Variants in RGS5 observed in about 807,000 individuals in gnomAD.
RGS5 encodes regulator of G-protein signalling 5.
In RGS5, 20 loss-of-function variants were observed where a neutral mutation model predicts 18.9. The observed-to-expected ratio is 1.06, with a 90% CI of 0.74 to 1.54. RGS5 has a LOEUF of 1.54. Among genes scored for constraint, RGS5 ranks in the 40% most tolerant of loss-of-function variants. The probability of loss-of-function intolerance (pLI) is 0.00; values close to 1 mark genes in which losing one functional copy is unlikely to be tolerated. For synonymous variants in RGS5, 57 were observed against 76.2 expected, an observed-to-expected ratio of 0.75 and a Z score of 1.31; for missense variants, 201 against 211.8, an observed-to-expected ratio of 0.95 and a Z score of 0.32.
intron 1 of RGS5, among the ~76,000 whole-genome samples, chr1:163,180,757 T>G (rs1463166491): frequency 7.1e-6 from 1 of 140,378 alleles, no homozygotes; most frequent in African/African-American, 2.7e-5. Context: ...TGCAGTGGTG[T>G]AATCTCGTCT....
intron 1 of RGS5, among the ~76,000 whole-genome samples, chr1:163,181,488 C>A (rs1223564120): frequency 6.6e-6 from 1 of 152,174 alleles, no homozygotes; most frequent in Non-Finnish European, 1.5e-5. Flanking sequence ...TGCATCCCCC[C>A]ATTTTAAAAG....
intron 1 of RGS5, among the ~76,000 whole-genome samples, chr1:163,315,973 G>C (rs905514186): frequency 2.6e-5 from 4 of 152,092 alleles, no homozygotes. Flanking sequence ...TAATGCAACA[G>C]CGCCACCCAG....
intron 1 of RGS5, among the ~76,000 whole-genome samples, chr1:163,197,240 G>T (rs2999966): frequency 0.39 from 58,650 of 151,846 alleles, 11,985 homozygotes; most frequent in African/African-American, 0.53. Flanking sequence ...GGCTGTGCCC[G>T]CCCATCTCTG....
In RGS5 at chr1:163,162,012, G is replaced by A. The variant is rs574386687; in HGVS notation, c.156-36C>T. 85 of 1,486,710 alleles carry A rather than the reference G, an allele frequency of 5.7e-5. No homozygotes were observed. In the South Asian group the frequency reaches 8.6e-4, roughly 15 times the overall value. 92.1% of individuals were successfully genotyped at this position (1,486,710 alleles called of 1,614,324 possible). A position where few individuals can be genotyped will look rare whatever the true frequency, so the allele number is the denominator to read the frequency against. On this transcript the variant is annotated intron_variant, in intron 2 of 4. Transcript: ENST00000313961. Reference sequence around the variant, plus strand: ...AATAAGGAGAGAAAAGGGGTATGGCGTAAGTAGGCATTGAACCACATGTAC... The same window carrying A: ...AATAAGGAGAGAAAAGGGGTATGGCATAAGTAGGCATTGAACCACATGTAC...
intron 1 of RGS5, among the ~76,000 whole-genome samples, chr1:163,308,917 T>C (rs1324669881): frequency 6.6e-6 from 1 of 152,212 alleles, no homozygotes; most frequent in Non-Finnish European, 1.5e-5. Flanking sequence ...AAATATTATG[T>C]CTAAAAATAC....
intron 2 of RGS5, among the ~76,000 whole-genome samples, chr1:163,271,361 C>A (rs1240813509): frequency 6.6e-6 from 1 of 152,034 alleles, no homozygotes; most frequent in Non-Finnish European, 1.5e-5. Context: ...AAGGTAGAGC[C>A]CCCATGATGG....
chr1:163,147,869 C>T (rs1454351320), intron 4 of RGS5, among the ~76,000 whole-genome samples: 1 of 148,502 alleles, frequency 6.7e-6, no homozygotes, highest in Non-Finnish European at 1.5e-5. Context: ...GTATTTGAAT[C>T]TAGAGAATCA....
intron 1 of RGS5, among the ~76,000 whole-genome samples, chr1:163,173,723 T>C (rs1454555481): frequency 6.6e-6 from 1 of 152,216 alleles, no homozygotes; most frequent in Admixed American, 6.5e-5. Flanking sequence ...AACACATATA[T>C]GTAAACTGTA....
At chr1:163,179,232 G>T (rs1310611742) in intron 1 of RGS5, among the ~76,000 whole-genome samples, 2 of 152,160 alleles carry the variant, frequency 1.3e-5, no homozygotes, top group Non-Finnish European at 2.9e-5. Context: ...GAGGCAAACT[G>T]CCCCGATTCA....
intron 1 of RGS5, among the ~76,000 whole-genome samples, chr1:163,208,543 A>AAAAAG (rs1660016306): frequency 6.8e-6 from 1 of 146,166 alleles, no homozygotes; most frequent in African/African-American, 2.5e-5. Context: ...AAAAAAAAAA[A>AAAAAG]AAGTCAGAAG....
chr1:163,256,909 T>G (rs958526887), intron 2 of RGS5, among the ~76,000 whole-genome samples: 11 of 152,172 alleles, frequency 7.2e-5, no homozygotes, highest in Non-Finnish European at 1.3e-4. Context: ...TCAACAAAAG[T>G]TTAACAATAT....
chr1:163,318,526 A>T (rs1454804864), intron 1 of RGS5, among the ~76,000 whole-genome samples: 1 of 152,224 alleles, frequency 6.6e-6, no homozygotes, highest in Non-Finnish European at 1.5e-5. Flanking sequence ...GAAAGTCGGA[A>T]CTTCAAGGAA....
intron 2 of RGS5, among the ~76,000 whole-genome samples, chr1:163,280,606 A>C (rs1242189321): frequency 1.3e-5 from 2 of 149,044 alleles, no homozygotes; most frequent in African/African-American, 5.0e-5. Flanking sequence ...TGAGGAAATA[A>C]ATTAAGAGCA....
At chr1:163,243,702 T>C (rs1480074858) in intron 2 of RGS5, among the ~76,000 whole-genome samples, 1 of 133,788 alleles carries the variant, frequency 7.5e-6, no homozygotes, top group Non-Finnish European at 1.6e-5. Context: ...CAAACCACCA[T>C]GGCACAGGTT....
Position 163,152,543 on chromosome 1 carries a change from G to A in RGS5, c.384+7C>T. 1 of 1,608,136 alleles carries A rather than the reference G, an allele frequency of 6.2e-7. No homozygotes were observed. On this transcript the variant is annotated splice_region_variant and intron_variant, in intron 4 of 4. Transcript: ENST00000313961. ...CCCTTAACTGACCCACCTACCCAGA[G>A]ACCAACCTCTTTAGGAGCCTCCGTT...
intron 1 of RGS5, among the ~76,000 whole-genome samples, chr1:163,189,215 A>C (rs950927278): frequency 1.3e-5 from 2 of 152,194 alleles, no homozygotes; most frequent in African/African-American, 2.4e-5. Context: ...TTACCGTGGC[A>C]AAATTAAATG....
intron 1 of RGS5, among the ~76,000 whole-genome samples, chr1:163,198,923 G>A (rs961840470): frequency 6.6e-6 from 1 of 152,064 alleles, no homozygotes; most frequent in Admixed American, 6.6e-5. Context: ...TCCCACCTTG[G>A]CCTCCCAAAG....
chr1:163,293,323 T>TA (rs1205661511), intron 2 of RGS5, among the ~76,000 whole-genome samples: 5 of 152,174 alleles, frequency 3.3e-5, no homozygotes, highest in Non-Finnish European at 5.9e-5. Context: ...TCAGGAAACT[T>TA]ACAATCATTC....
intron 1 of RGS5, among the ~76,000 whole-genome samples, chr1:163,170,513 G>A (rs1411433054): frequency 6.6e-6 from 1 of 152,116 alleles, no homozygotes; most frequent in Non-Finnish European, 1.5e-5. Context: ...TGTTCACAGG[G>A]AGGCTGTGAT....
Sources: allele counts gnomAD v4.1 joint callset (sites outside exome capture counted in the v4.1 genomes callset), GRCh38; gene constraint gnomAD v4.1.1; transcripts MANE v1.5; gene names NCBI Gene and HGNC (gene_info 2026-07-23, HGNC 2026-07-21).